CAMSAP1: variants seen among roughly 807,000 people sequenced by gnomAD.
CAMSAP1 encodes the protein calmodulin-regulated spectrin-associated protein 1.
Under a neutral mutation model 143.5 loss-of-function variants are expected in CAMSAP1, and 58 were observed. That is an observed-to-expected ratio of 0.40 (90% CI 0.33 to 0.50). The LOEUF (loss-of-function observed/expected upper bound fraction) is 0.50, where lower values mean the gene tolerates loss of function less well. Among genes scored for constraint, CAMSAP1 ranks in the 20% least tolerant of loss-of-function variants. The pLI is 0.45. For missense variants in CAMSAP1, 1,969 were observed against 2,115.7 expected (o/e 0.93, Z 1.36); for synonymous variants, 945 against 859.3 (o/e 1.10, Z -1.74).
chr9:135,897,568 C>A (rs1192608148), intron 1 of CAMSAP1, among the ~76,000 whole-genome samples: 1 of 152,150 alleles, frequency 6.6e-6, no homozygotes, highest in Non-Finnish European at 1.5e-5. Context: ...AGTGACCTAG[C>A]TTTAGGCTAC....
chr9:135,905,948 G>T lies in CAMSAP1; in HGVS notation c.160+1052C>A, dbSNP rs969996926. Among the ~76,000 whole-genome samples the T allele has an allele frequency of 2.6e-5, 4 of 152,332 alleles. No individual in the cohort carries two copies. The East Asian group carries it at 7.7e-4, about 29-fold the overall frequency. ...TCCTCATTACAACACAGAAACTAAGGTTCCACTGAGCCAGTAAACAAGAAC... is the reference window on the plus strand; with the variant it reads ...TCCTCATTACAACACAGAAACTAAGTTTCCACTGAGCCAGTAAACAAGAAC... On this transcript the variant is annotated intron_variant, in intron 1 of 16. Coordinates refer to ENST00000389532, the MANE Select transcript of CAMSAP1 (RefSeq NM_015447.4).
At chr9:135,872,890 G>T (rs534470285) in intron 3 of CAMSAP1, among the ~76,000 whole-genome samples, 14 of 152,282 alleles carry the variant, frequency 9.2e-5, no homozygotes, top group South Asian at 4.1e-4. Context: ...CGGGTTACAA[G>T]TGCACAGCTC....
intron 7 of CAMSAP1, among the ~76,000 whole-genome samples, chr9:135,841,414 T>C (rs1321766495): frequency 1.3e-5 from 2 of 152,196 alleles, no homozygotes; most frequent in Non-Finnish European, 2.9e-5. Context: ...GGGGTGGCTA[T>C]GGGCATAGCC....
intron 3 of CAMSAP1, among the ~76,000 whole-genome samples, chr9:135,877,385 G>A (rs1217254234): frequency 6.6e-6 from 1 of 151,756 alleles, no homozygotes; most frequent in Non-Finnish European, 1.5e-5. Flanking sequence ...TGTTTAGGGT[G>A]ATGGAAACAT....
chr9:135,812,873 T>TG (rs1835099450), intron 16 of CAMSAP1, among the ~76,000 whole-genome samples: 1 of 151,672 alleles, frequency 6.6e-6, no homozygotes, highest in South Asian at 2.1e-4. Flanking sequence ...GAGAATCGCT[T>TG]GAGTCTGGAG....
At chr9:135,879,523 A>G (rs1324355105) in intron 3 of CAMSAP1, among the ~76,000 whole-genome samples, 1 of 152,132 alleles carries the variant, frequency 6.6e-6, no homozygotes, top group Non-Finnish European at 1.5e-5. Context: ...CTATGTCTTT[A>G]CCATAGAAAA....
rs1835688041 is a variant in CAMSAP1, at chr9:135,826,735, A to G, written c.1223+672T>C. On this transcript the variant is annotated intron_variant, in intron 8 of 16. Coordinates refer to ENST00000389532, the MANE Select transcript of CAMSAP1 (RefSeq NM_015447.4). This position sits in a 1 kb window ranked among gnomAD's most constrained non-coding sequence, Gnocchi z 4.4. ...CACTTTCGGTGTGCTAACTGGCTCC[A>G]GGCTGGCATCAGCTGTGGGTCCTCC... is the stretch of plus-strand genomic sequence containing the variant. Among the ~76,000 whole-genome samples the G allele has an allele frequency of 6.6e-6, 1 of 152,196 alleles. No individual in the cohort carries two copies. The highest frequency in any genetic ancestry group is 1.5e-5 in the Non-Finnish European group (1 of 68,040).
At chr9:135,887,269 G>T (rs1434191959) in intron 1 of CAMSAP1, among the ~76,000 whole-genome samples, 1 of 152,164 alleles carries the variant, frequency 6.6e-6, no homozygotes, top group African/African-American at 2.4e-5. Context: ...AAGGCCAGAG[G>T]AGGTTTTGAA....
At chr9:135,896,454 C>A (rs1486468341) in intron 1 of CAMSAP1, among the ~76,000 whole-genome samples, 1 of 152,128 alleles carries the variant, frequency 6.6e-6, no homozygotes, top group African/African-American at 2.4e-5. Context: ...GACTTCAACA[C>A]CCCCTAGACA....
At chr9:135,855,747 T>TA (rs1564442475) in intron 5 of CAMSAP1, among the ~76,000 whole-genome samples, 1,775 of 107,254 alleles carry the variant, frequency 0.017, 67 homozygotes, top group African/African-American at 0.069. Context: ...TCATCTCAAT[T>TA]TAAAAAAAAA....
intron 3 of CAMSAP1, among the ~76,000 whole-genome samples, chr9:135,878,798 G>A (rs1428458489): frequency 6.6e-6 from 1 of 152,106 alleles, no homozygotes; most frequent in Admixed American, 6.5e-5. Context: ...CCTGCAGTGA[G>A]GACTCGCACC....
At chr9:135,890,678 TG>T (rs1838264456) in intron 1 of CAMSAP1, among the ~76,000 whole-genome samples, 1 of 152,146 alleles carries the variant, frequency 6.6e-6, no homozygotes, top group Non-Finnish European at 1.5e-5. Context: ...GGGCCTCGCG[TG>T]GGGTGACCAG....
At chr9:135,865,389 G>A (rs1837338879) in intron 4 of CAMSAP1, 3 of 1,550,518 alleles carry the variant, frequency 1.9e-6, no homozygotes, top group Non-Finnish European at 2.6e-6. Flanking sequence ...AGAGAAGGAA[G>A]GCAGGAGAGG....
rs370239083 is a variant in CAMSAP1, at chr9:135,850,264, G to C, written c.949-31C>G. ...AGACAAAAACAAAAAACCAAAGTATGATAAGCAGTTTATTCACACATGGTT... is the reference window on the plus strand; with the variant it reads ...AGACAAAAACAAAAAACCAAAGTATCATAAGCAGTTTATTCACACATGGTT... On this transcript the variant is annotated intron_variant, in intron 6 of 16. Transcript: ENST00000389532. The C allele has an allele frequency of 3.6e-5, 58 of 1,612,638 alleles. No individual in the cohort carries two copies. The East Asian group carries it at 8.7e-4, about 24-fold the overall frequency.
At chr9:135,833,566 A>G (rs1222195345) in intron 7 of CAMSAP1, among the ~76,000 whole-genome samples, 2 of 152,248 alleles carry the variant, frequency 1.3e-5, no homozygotes, top group Non-Finnish European at 2.9e-5. Context: ...TGGGGAAAGG[A>G]TAGTACCTTC....
chr9:135,823,331 TGAGAATGCCGGCCACACAAA>T (rs1835555701), intron 10 of CAMSAP1, 71 bp from the exon 11 acceptor site: 1 of 1,484,946 alleles, frequency 6.7e-7, no homozygotes, highest in Non-Finnish European at 8.9e-7. Flanking sequence ...GACCAGGGGG[TGAGAATGCCGGCCACACAAA>T]GAGAATACGC....
intron 1 of CAMSAP1, among the ~76,000 whole-genome samples, chr9:135,888,711 T>C (rs1838202119): frequency 6.6e-6 from 1 of 152,210 alleles, no homozygotes; most frequent in Non-Finnish European, 1.5e-5. Flanking sequence ...TCTTCCTGTT[T>C]GGATATAAGG....
chr9:135,811,041 G>A lies in CAMSAP1; in HGVS notation c.*268C>T. ...CCGCTGGGAGCCTCAGTGGTCAGCA[G>A]TGGCCACAGCAGTGCGAGCCACTGC... On this transcript the variant is annotated 3_prime_UTR_variant, in exon 17 of 17. Coordinates refer to ENST00000389532, the MANE Select transcript of CAMSAP1 (RefSeq NM_015447.4). This position sits in a 1 kb window ranked among gnomAD's most constrained non-coding sequence, Gnocchi z 4.9. 2 of 487,128 alleles carry A rather than the reference G, an allele frequency of 4.1e-6. No homozygotes were observed. The highest frequency in any genetic ancestry group is 7.4e-6 in the Non-Finnish European group (2 of 271,004). 30.2% of individuals were successfully genotyped at this position (487,128 alleles called of 1,614,324 possible).
chr9:135,842,753 C>G (rs897868216), intron 7 of CAMSAP1, among the ~76,000 whole-genome samples: 2 of 152,108 alleles, frequency 1.3e-5, no homozygotes, highest in African/African-American at 4.8e-5. Context: ...GCTTCATAAG[C>G]GAAGGAGAAA....
Sources: gnomAD v4.1 joint callset for allele counts (sites outside exome capture counted in the v4.1 genomes callset) on GRCh38, gnomAD v4.1.1 for gene constraint, Gnocchi (gnomAD v3.1) non-coding constraint, MANE v1.5 for transcripts, NCBI Gene and HGNC (gene_info 2026-07-23, HGNC 2026-07-21) for gene names.